RBFOX1: variants seen among roughly 807,000 people sequenced by gnomAD.
RBFOX1 encodes the protein RNA binding fox-1 homolog 1.
In RBFOX1, 8 loss-of-function variants were observed where a neutral mutation model predicts 57.7. The ratio of observed to expected loss-of-function variants is 0.14; its 90% CI spans 0.08 to 0.25. RBFOX1 has a LOEUF of 0.25. Ranked by LOEUF, RBFOX1 falls within the 10% of genes least tolerant of loss-of-function variation. The probability of loss-of-function intolerance (pLI) is 1.00; values close to 1 mark genes in which losing one functional copy is unlikely to be tolerated. For synonymous variants in RBFOX1, 326 were observed against 222.4 expected (o/e 1.47, Z -4.15); for missense variants, 611 against 548.5 (o/e 1.11, Z -1.14).
At chr16:5,712,704 A>C (rs1340302843) in intron 3 of RBFOX1, among the ~76,000 whole-genome samples, 2 of 152,214 alleles carry the variant, frequency 1.3e-5, no homozygotes, top group African/African-American at 2.4e-5. Flanking sequence ...CCAGATTTTA[A>C]CAGAGTCCAG....
intron 3 of RBFOX1, among the ~76,000 whole-genome samples, chr16:6,906,296 G>A (rs370883596): frequency 2.0e-5 from 3 of 151,730 alleles, no homozygotes; most frequent in East Asian, 3.9e-4. Flanking sequence ...ATTTATGTCT[G>A]TTGGCTGGGG....
intron 2 of RBFOX1, among the ~76,000 whole-genome samples, chr16:6,615,426 T>A (rs1401678579): frequency 2.0e-5 from 3 of 151,960 alleles, no homozygotes; most frequent in Non-Finnish European, 4.4e-5. Flanking sequence ...AAAAATTAGC[T>A]GGGTGTGCTG....
intron 3 of RBFOX1, among the ~76,000 whole-genome samples, chr16:6,834,431 T>G (rs896906370): frequency 2.0e-5 from 3 of 152,026 alleles, no homozygotes; most frequent in Non-Finnish European, 4.4e-5. Context: ...GAACACTTGT[T>G]TGGGAGGGGA....
In RBFOX1 at chr16:7,664,931, T is replaced by C; in HGVS notation, c.893T>C (p.Val298Ala). The change falls in exon 13 of 16, where the codon GTT (valine) becomes GCT (alanine). Residue 298 changes from valine to alanine, a missense_variant and splice_region_variant. Val to Ala is a moderately conservative substitution (Grantham distance 64, BLOSUM62 0). This residue lies in a region of RBFOX1 where 267 missense variants were observed against 229.1 expected (regional missense o/e 1.17). Coordinates refer to ENST00000550418, the MANE Select transcript of RBFOX1 (RefSeq NM_018723.4). ...PPPPIPAYGG[V>A]VYQDGFYGAD... ...TCTTTGTGTGTGCACCCTTGCAGTG[T>C]TGTTTACCAGGATGGATTTTATGGT... 1 of 1,613,948 alleles carries C rather than the reference T, an allele frequency of 6.2e-7. No homozygotes were observed. Among genetic ancestry groups the C allele is most frequent in the Non-Finnish European group, 8.5e-7 (1 of 1,179,836 alleles).
intron 4 of RBFOX1, among the ~76,000 whole-genome samples, chr16:5,920,479 A>C (rs1372110445): frequency 6.6e-6 from 1 of 152,138 alleles, no homozygotes; most frequent in Non-Finnish European, 1.5e-5. Context: ...GAGTGGAATT[A>C]CTGGGTTATA....
intron 12 of RBFOX1, 33 bp from the exon 13 acceptor site, chr16:7,664,896 T>A: frequency 6.2e-7 from 1 of 1,613,886 alleles, no homozygotes. Flanking sequence ...TGCACTAATA[T>A]GGATGTTTCT....
intron 4 of RBFOX1, among the ~76,000 whole-genome samples, chr16:7,085,083 C>A (rs753531949): frequency 6.8e-6 from 1 of 148,134 alleles, no homozygotes; most frequent in African/African-American, 2.7e-5. Context: ...TCTATATGAA[C>A]GCCGTATCTA....
intron 4 of RBFOX1, among the ~76,000 whole-genome samples, chr16:7,087,646 G>A (rs2060195338): frequency 1.3e-5 from 2 of 152,058 alleles, no homozygotes; most frequent in African/African-American, 4.8e-5. Flanking sequence ...CACATACAGT[G>A]CCACTGAAGG....
At chr16:5,641,738 C>T (rs535769981) in intron 3 of RBFOX1, among the ~76,000 whole-genome samples, 13 of 152,208 alleles carry the variant, frequency 8.5e-5, no homozygotes, top group East Asian at 1.9e-4. Flanking sequence ...AGGAGCTCAG[C>T]GGAATAAAGG....
intron 3 of RBFOX1, among the ~76,000 whole-genome samples, chr16:5,658,799 G>A (rs763283196): frequency 1.5e-5 from 2 of 135,180 alleles, no homozygotes; most frequent in Non-Finnish European, 3.0e-5. Flanking sequence ...TATAATATAT[G>A]TGTATATATG....
intron 3 of RBFOX1, among the ~76,000 whole-genome samples, chr16:5,858,492 C>G (rs114147673): frequency 3.9e-3 from 594 of 152,284 alleles, no homozygotes; most frequent in African/African-American, 0.014. Flanking sequence ...GTCCCTCCCT[C>G]CCCTGTGACT....
At chr16:6,936,346 C>G (rs546697537) in intron 3 of RBFOX1, among the ~76,000 whole-genome samples, 16 of 152,220 alleles carry the variant, frequency 1.1e-4, no homozygotes, top group Admixed American at 9.2e-4. Context: ...AGTTGTTGAA[C>G]CAACTCTCAA....
At chr16:7,198,461 A>G (rs911651139) in intron 4 of RBFOX1, among the ~76,000 whole-genome samples, 1 of 152,238 alleles carries the variant, frequency 6.6e-6, no homozygotes, top group African/African-American at 2.4e-5. Flanking sequence ...CCATTGCAAA[A>G]GAGATAAAAT....
chr16:7,137,685 A>C (rs1436120333), intron 4 of RBFOX1, among the ~76,000 whole-genome samples: 1 of 152,218 alleles, frequency 6.6e-6, no homozygotes, highest in African/African-American at 2.4e-5. Context: ...CTCCTTGGTT[A>C]GAAGCCTGAT....
chr16:6,273,012 C>G (rs2075371843), intron 1 of RBFOX1, among the ~76,000 whole-genome samples: 2 of 152,052 alleles, frequency 1.3e-5, no homozygotes, highest in African/African-American at 4.8e-5. Context: ...GTAATCCCAG[C>G]ACTTTGGGAG....
chr16:7,398,773 G>A (rs1381227700), intron 4 of RBFOX1, among the ~76,000 whole-genome samples: 3 of 152,166 alleles, frequency 2.0e-5, no homozygotes, highest in African/African-American at 7.2e-5. Flanking sequence ...CATGTGGCTG[G>A]GGGCCAGCTA....
rs570241904 is a variant in RBFOX1, at chr16:5,838,328, C to G, written c.319-28975C>G. 19 of 188,496 alleles carry G rather than the reference C, an allele frequency of 1.0e-4. No individual in the cohort carries two copies. The Admixed American group carries it at 1.0e-3, about 10-fold the overall frequency. The allele number at this position is 188,496 out of a possible 1,614,324, so 11.7% of individuals were successfully genotyped here. ...CACATGTACACCTGCACAGAGTTAT[C>G]CTTGAATGCAGCGAGCATGTGGAGG... On this transcript the variant is annotated intron_variant, in intron 3 of 19. Coordinates refer to the RBFOX1 transcript ENST00000641259.
rs183599652 is a variant in RBFOX1, at chr16:7,199,052, A to T, written c.27+146954A>T. 2.6e-5 allele frequency among the ~76,000 whole-genome samples: 4 copies of T among 152,272 alleles called. No homozygotes were observed. The East Asian group carries it at 7.7e-4, about 29-fold the overall frequency. On this transcript the variant is annotated intron_variant, in intron 4 of 15. Coordinates refer to ENST00000550418, the MANE Select transcript of RBFOX1 (RefSeq NM_018723.4). The stretch of plus-strand genomic sequence containing the variant: ...GAGTTTCAGTTCCAAGGGACAAGGG[A>T]AGTAAGAATATCATCACCACAGGTC...
intron 2 of RBFOX1, among the ~76,000 whole-genome samples, chr16:6,611,828 C>T (rs1417884164): frequency 6.6e-6 from 1 of 152,098 alleles, no homozygotes; most frequent in East Asian, 1.9e-4. Flanking sequence ...GGCCCTCCTC[C>T]AAGGCCCTGT....
Sources: gnomAD v4.1 joint callset for allele counts (sites outside exome capture counted in the v4.1 genomes callset) on GRCh38, gnomAD v4.1.1 for gene constraint, gnomAD v4.1.1 regional missense constraint, MANE v1.5 for transcripts, NCBI Gene and HGNC (gene_info 2026-07-23, HGNC 2026-07-21) for gene names.